SOX6: variants seen among roughly 807,000 people sequenced by gnomAD.
SOX6 encodes transcription factor SOX-6.
Under a neutral mutation model 97.8 loss-of-function variants are expected in SOX6, and 11 were observed. The observed-to-expected ratio is 0.11, with a 90% CI of 0.07 to 0.19. SOX6 has a LOEUF of 0.19. Among genes scored for constraint, SOX6 ranks in the 10% least tolerant of loss-of-function variants. The pLI, the probability that SOX6 is intolerant of heterozygous loss-of-function variation, is 1.00. For synonymous variants in SOX6, 360 were observed against 371.4 expected, an observed-to-expected ratio of 0.97 and a Z score of 0.35; for missense variants, 810 against 1,039.5, an observed-to-expected ratio of 0.78 and a Z score of 3.04.
chr11:16,151,552 T>C (rs1253789332), intron 6 of SOX6, among the ~76,000 whole-genome samples: 25 of 152,190 alleles, frequency 1.6e-4, no homozygotes, highest in Admixed American at 1.6e-3. Context: ...TCATGTCAAA[T>C]TATTTGTTCC....
chr11:15,985,208 T>C (rs1221156403), intron 15 of SOX6, among the ~76,000 whole-genome samples: 1 of 152,238 alleles, frequency 6.6e-6, no homozygotes, highest in East Asian at 1.9e-4. Flanking sequence ...GGGTTACCTC[T>C]TGAGTGCCCT....
At chr11:16,176,063 G>GGACA (rs1394757711) in intron 6 of SOX6, among the ~76,000 whole-genome samples, 1 of 114,632 alleles carries the variant, frequency 8.7e-6, no homozygotes, top group Non-Finnish European at 1.9e-5. Flanking sequence ...ACGGACAGAC[G>GGACA]GACGGACGGA....
chr11:16,326,506 G>GT (rs199870984), intron 2 of SOX6, among the ~76,000 whole-genome samples: 78 of 151,500 alleles, frequency 5.1e-4, no homozygotes, highest in Admixed American at 1.9e-3. Context: ...TAGGGCTACA[G>GT]TTTTTTTTAA....
intron 12 of SOX6, among the ~76,000 whole-genome samples, chr11:16,037,648 A>T (rs897198416): frequency 5.3e-5 from 8 of 152,182 alleles, no homozygotes; most frequent in Non-Finnish European, 1.5e-5. Flanking sequence ...AGGCTCAAGG[A>T]AGTCACAGAC....
chr11:16,458,821 T>C (rs769213545), intron 1 of SOX6, among the ~76,000 whole-genome samples: 2 of 151,992 alleles, frequency 1.3e-5, no homozygotes, highest in African/African-American at 4.8e-5. Flanking sequence ...ATCCCTACAA[T>C]TGTCCCAGCT....
At chr11:16,519,497 T>C (rs1232247169) in intron 4 of SOX6, among the ~76,000 whole-genome samples, 1 of 152,118 alleles carries the variant, frequency 6.6e-6, no homozygotes, top group East Asian at 1.9e-4. Flanking sequence ...TCCATCTAGT[T>C]CCATCGATGT....
At chr11:16,482,635 C>T (rs947267165) in intron 4 of SOX6, among the ~76,000 whole-genome samples, 1 of 152,004 alleles carries the variant, frequency 6.6e-6, no homozygotes, top group Non-Finnish European at 1.5e-5. Flanking sequence ...GTCTAAATAA[C>T]CATTGTGTGT....
At chr11:16,023,628 C>A (rs1020666406) in intron 12 of SOX6, among the ~76,000 whole-genome samples, 1 of 152,052 alleles carries the variant, frequency 6.6e-6, no homozygotes, top group Non-Finnish European at 1.5e-5. Context: ...AGAATTTTCC[C>A]TAAAATCTGA....
chr11:15,973,882 T>C (rs1853387251), intron 15 of SOX6, among the ~76,000 whole-genome samples: 1 of 152,156 alleles, frequency 6.6e-6, no homozygotes. Context: ...TCCTCCATAA[T>C]GTTACCCTAG....
intron 6 of SOX6, among the ~76,000 whole-genome samples, chr11:16,119,031 G>A (rs1214464735): frequency 2.0e-5 from 3 of 152,122 alleles, no homozygotes; most frequent in Non-Finnish European, 1.5e-5. Flanking sequence ...GGAGAGAGAG[G>A]TGCAAGAAGT....
chr11:16,561,646 GT>G (rs1231319949), intron 4 of SOX6, among the ~76,000 whole-genome samples: 2 of 152,146 alleles, frequency 1.3e-5, no homozygotes, highest in Non-Finnish European at 2.9e-5. Flanking sequence ...TATGGCAGGA[GT>G]TTTCAATGTA....
chr11:16,114,655 C>T (rs983252486), intron 6 of SOX6, among the ~76,000 whole-genome samples: 1 of 152,144 alleles, frequency 6.6e-6, no homozygotes, highest in Non-Finnish European at 1.5e-5. Context: ...CAGGCAGAGG[C>T]TTGTCATGCT....
chr11:16,044,885 T>A (rs1329713646), intron 12 of SOX6, among the ~76,000 whole-genome samples: 1 of 152,126 alleles, frequency 6.6e-6, no homozygotes, highest in Non-Finnish European at 1.5e-5. Flanking sequence ...TTTTGCAGCT[T>A]ACCTTCTGGG....
intron 1 of SOX6, among the ~76,000 whole-genome samples, chr11:16,427,880 T>C (rs1859182128): frequency 6.6e-6 from 1 of 152,180 alleles, no homozygotes; most frequent in Non-Finnish European, 1.5e-5. Context: ...GTATTTCTAG[T>C]TCTAGATCCC....
chr11:16,295,519 G>A (rs1477702050), intron 3 of SOX6, among the ~76,000 whole-genome samples: 1 of 151,978 alleles, frequency 6.6e-6, no homozygotes, highest in Admixed American at 6.6e-5. Flanking sequence ...ATATAGTAAT[G>A]GAGGTATAAT....
At chr11:16,352,136 C>T (rs997445684) in intron 1 of SOX6, among the ~76,000 whole-genome samples, 5 of 151,946 alleles carry the variant, frequency 3.3e-5, no homozygotes, top group African/African-American at 9.7e-5. Flanking sequence ...ATAAATTCAC[C>T]TCATATTTTA....
intron 3 of SOX6, among the ~76,000 whole-genome samples, chr11:16,690,148 C>G (rs1848001587): frequency 6.6e-6 from 1 of 152,194 alleles, no homozygotes. Context: ...TGTTCTCAAA[C>G]TCCTGGCCTC....
chr11:16,621,679 C>A (rs1026946796), intron 3 of SOX6, among the ~76,000 whole-genome samples: 3 of 152,154 alleles, frequency 2.0e-5, no homozygotes, highest in African/African-American at 7.2e-5. Flanking sequence ...AATCATTCAA[C>A]TGCAGAATTT....
At chr11:16,688,453 T>C (rs1354224802) in intron 3 of SOX6, among the ~76,000 whole-genome samples, 1 of 152,206 alleles carries the variant, frequency 6.6e-6, no homozygotes, top group Non-Finnish European at 1.5e-5. Context: ...TCTCTGTTCA[T>C]TTTTTTCTGG....
Sources: gnomAD v4.1 joint callset for allele counts (sites outside exome capture counted in the v4.1 genomes callset) on GRCh38, gnomAD v4.1.1 for gene constraint, MANE v1.5 for transcripts, NCBI Gene and HGNC (gene_info 2026-07-23, HGNC 2026-07-21) for gene names.